CAPN6: variants seen among roughly 807,000 people sequenced by gnomAD.
The protein encoded by CAPN6 is calpain-6.
CAPN6 carries 16 observed loss-of-function variants against 46.0 expected under a neutral mutation model. The ratio of observed to expected loss-of-function variants is 0.35; its 90% confidence interval spans 0.24 to 0.53. The LOEUF (loss-of-function observed/expected upper bound fraction) is 0.53, where lower values mean the gene tolerates loss of function less well. Ranked by LOEUF, CAPN6 falls within the 20% of genes least tolerant of loss-of-function variation. The probability of loss-of-function intolerance (pLI) is 0.94; values close to 1 mark genes in which losing one functional copy is unlikely to be tolerated. For synonymous variants in CAPN6, 206 were observed against 172.8 expected (o/e 1.19, Z -1.51); for missense variants, 461 against 498.0 (o/e 0.93, Z 0.71).
intron 1 of CAPN6, among the ~76,000 whole-genome samples, chrX:111,265,959 G>A (rs979158800): frequency 1.8e-5 from 2 of 111,335 alleles, no homozygotes; most frequent in Admixed American, 1.9e-4. Context: ...TAAAGCCCAT[G>A]TGATCCCAAT....
chrX:111,251,730 C>T lies in CAPN6; in HGVS notation c.712G>A (p.Glu238Lys). The stretch of plus-strand genomic sequence containing the variant: ...CAATCAGTTTCAACTTCTTGCTCCT[C>T]CTGATTGGGAGACTGAGAGCAAAGA... ...ICCSIESPNQEEQEVETDWGL... is the reference protein window; with the variant it reads ...ICCSIESPNQKEQEVETDWGL... The change falls in exon 6 of 13, where the codon GAG (glutamate) becomes AAG (lysine). Residue 238 changes from glutamate to lysine, a missense_variant. Physicochemically the swap from Glu to Lys is moderately conservative, Grantham distance 56. Coordinates refer to ENST00000324068, the MANE Select transcript of CAPN6 (RefSeq NM_014289.4). 1.7e-6 allele frequency: 2 copies of T among 1,205,162 alleles called. No homozygotes were observed. The highest frequency in any genetic ancestry group is 3.5e-5 in the African/African-American group (2 of 57,547).
Position 111,247,939 on chromosome X carries a change from T to A in CAPN6, c.1538A>T (p.Tyr513Phe), listed in dbSNP as rs1480451234. The change falls in exon 11 of 13, where the codon TAC becomes TTC. Residue 513 changes from tyrosine to phenylalanine, a missense_variant. Tyr to Phe is a conservative substitution (Grantham distance 22). Coordinates refer to ENST00000324068, the MANE Select transcript of CAPN6 (RefSeq NM_014289.4). ...KMSCWNLARG[Y>F]PKVVTQITVH... ...AGTGATCTGAGTAACTACTTTCGGG[T>A]AGCCACGAGCCAGGTTCCAGCAGGA... The A allele has an allele frequency of 1.7e-6, 2 of 1,208,729 alleles. No homozygotes were observed. Among genetic ancestry groups the A allele is most frequent in the Non-Finnish European group, 2.2e-6 (2 of 893,954 alleles).
rs753379561 is a variant in CAPN6 at position 111,248,393 on chromosome X, G to A, written c.1484+176C>T. ...CTCTGAAGTTCAGACCTTCACTGGG[G>A]AATTTCCCCCAACCACCCTTTGAGA... On this transcript the variant is annotated intron_variant, in intron 10 of 12. Transcript: ENST00000324068. 1.7e-4 allele frequency among the ~76,000 whole-genome samples: 19 copies of A among 112,489 alleles called. No individual in the cohort carries two copies. The South Asian group carries it at 1.8e-3, about 11-fold the overall frequency.
At chrX:111,267,628 TA>T (rs1396449520) in intron 1 of CAPN6, among the ~76,000 whole-genome samples, 1 of 111,665 alleles carries the variant, frequency 9.0e-6, no homozygotes, top group Non-Finnish European at 1.9e-5. Flanking sequence ...TATTTTGCTC[TA>T]AAAAAATCTG....
At chrX:111,252,912 C>T in intron 4 of CAPN6, 96 bp downstream of exon 4, 1 of 715,904 alleles carries the variant, frequency 1.4e-6, no homozygotes, top group Non-Finnish European at 2.1e-6. Flanking sequence ...AACTTAAACT[C>T]CAGGGTTGGG....
intron 1 of CAPN6, among the ~76,000 whole-genome samples, chrX:111,266,326 T>G (rs1301798942): frequency 9.1e-6 from 1 of 109,938 alleles, no homozygotes; most frequent in Non-Finnish European, 1.9e-5. Context: ...GTTCTCTTTG[T>G]GCCTCAAATT....
rs1038722083 is a variant in CAPN6, at chrX:111,245,648, C to A, written c.*929G>T. The A allele has an allele frequency of 7.1e-5, 8 of 112,549 alleles. No individual in the cohort carries two copies. Among genetic ancestry groups the A allele is most frequent in the African/African-American group, 2.3e-4 (7 of 30,882 alleles). 9.3% of individuals were successfully genotyped at this position (112,549 alleles called of 1,213,427 possible). ...GGTTTCACATTGCAGTCAGGGGCCC[C>A]AAACTGGCTGTAATATGTCTGGATG... On this transcript the variant is annotated 3_prime_UTR_variant, in exon 13 of 13. Transcript: ENST00000324068.
At chrX:111,247,656 C>A (rs958184491) in intron 11 of CAPN6, 152 bp from the exon 12 acceptor site, 7 of 668,617 alleles carry the variant, frequency 1.0e-5, no homozygotes, top group Non-Finnish European at 1.6e-5. Context: ...TCCCACTTCC[C>A]TTTCCTTTTC....
intron 3 of CAPN6, 44 bp downstream of exon 3, chrX:111,254,228 C>T: frequency 9.0e-7 from 1 of 1,115,344 alleles, no homozygotes; most frequent in Non-Finnish European, 1.2e-6. Flanking sequence ...TTAAAGAAGA[C>T]AAGAAAGTGG....
chrX:111,250,827 G>T, intron 8 of CAPN6, 90 bp downstream of exon 8: 2 of 841,416 alleles, frequency 2.4e-6, no homozygotes, highest in Non-Finnish European at 3.4e-6. Flanking sequence ...AAGATTTGAT[G>T]CTAAAGAAAT....
At position 111,251,231 on chromosome X, in the gene CAPN6, T is replaced by C. The variant is rs2094979121; in HGVS notation, c.949A>G (p.Met317Val). ...ASDRKNLGLVMSDDGEFWMSL... is the reference protein window; with the variant it reads ...ASDRKNLGLVVSDDGEFWMSL... ...CACCAAAACTCTCCATCATCAGACA[T>C]AACAAGCCCCAGGTTCTTGCGATCT... Residue 317 changes from methionine to valine, a missense_variant, in exon 7 of 13, where the codon ATG becomes GTG. Coordinates refer to ENST00000324068, the MANE Select transcript of CAPN6 (RefSeq NM_014289.4). The C allele has an allele frequency of 1.7e-6, 2 of 1,205,630 alleles. No individual in the cohort carries two copies. Among genetic ancestry groups the C allele is most frequent in the South Asian group, 3.5e-5 (2 of 56,497 alleles).
intron 4 of CAPN6, 110 bp from the exon 5 acceptor site, chrX:111,252,609 T>C (rs1334107568): frequency 3.5e-6 from 2 of 563,981 alleles, no homozygotes; most frequent in Admixed American, 4.2e-5. Context: ...AGATGGCTTT[T>C]CTCTAGGTAT....
intron 6 of CAPN6, 47 bp from the exon 7 acceptor site, chrX:111,251,333 C>T: frequency 1.8e-6 from 2 of 1,115,247 alleles, no homozygotes; most frequent in Non-Finnish European, 2.4e-6. Context: ...ATTATGTTTG[C>T]CATTGACTTC....
chrX:111,267,370 C>T (rs1000638313), intron 1 of CAPN6, among the ~76,000 whole-genome samples: 3 of 111,250 alleles, frequency 2.7e-5, no homozygotes, highest in Non-Finnish European at 5.6e-5. Flanking sequence ...AGATCCACCA[C>T]TTTGAGAAAG....
At chrX:111,268,230 G>C (rs2094993436) in intron 1 of CAPN6, among the ~76,000 whole-genome samples, 2 of 111,403 alleles carry the variant, frequency 1.8e-5, no homozygotes, top group African/African-American at 3.3e-5. Flanking sequence ...AAAAAAAAGA[G>C]GACACAATTT....
At chrX:111,255,628 G>T (rs2094983129) in intron 2 of CAPN6, among the ~76,000 whole-genome samples, 1 of 112,199 alleles carries the variant, frequency 8.9e-6, no homozygotes, top group Non-Finnish European at 1.9e-5. Flanking sequence ...ATATTTTTCT[G>T]GTCCTCAAAC....
At chrX:111,261,382 T>A (rs1395307391) in intron 2 of CAPN6, among the ~76,000 whole-genome samples, 3 of 112,584 alleles carry the variant, frequency 2.7e-5, no homozygotes, top group African/African-American at 6.5e-5. Flanking sequence ...CAAAGTAACT[T>A]TTAACATGCC....
intron 1 of CAPN6, among the ~76,000 whole-genome samples, chrX:111,265,143 T>C (rs2094990840): frequency 8.9e-6 from 1 of 112,440 alleles, no homozygotes; most frequent in Non-Finnish European, 1.9e-5. Flanking sequence ...CTGTGTGGTA[T>C]ATCTGTGAGG....
At chrX:111,247,548 C>T (rs1167098297) in intron 11 of CAPN6, 44 bp from the exon 12 acceptor site, 1 of 1,160,072 alleles carries the variant, frequency 8.6e-7, no homozygotes, top group Non-Finnish European at 1.2e-6. Flanking sequence ...AATTAAAGTT[C>T]CTTTTCTAGA....
Sources: gnomAD v4.1 joint callset for allele counts (sites outside exome capture counted in the v4.1 genomes callset) on GRCh38, gnomAD v4.1.1 for gene constraint, MANE v1.5 for transcripts, NCBI Gene and HGNC (gene_info 2026-07-23, HGNC 2026-07-21) for gene names.